Variants in DARS2 observed in about 807,000 individuals in gnomAD.
DARS2 encodes the protein aspartate--tRNA ligase, mitochondrial.
DARS2 carries 63 observed loss-of-function variants against 83.0 expected under a neutral mutation model. The ratio of observed to expected loss-of-function variants is 0.76; its 90% CI spans 0.62 to 0.94. DARS2 has a LOEUF of 0.94. Ranked by LOEUF, DARS2 falls within the 40% of genes least tolerant of loss-of-function variation. The pLI, the probability that DARS2 is intolerant of heterozygous loss-of-function variation, is 0.00. For missense variants in DARS2, 675 were observed against 774.4 expected, an observed-to-expected ratio of 0.87 and a Z score of 1.52; for synonymous variants, 250 against 269.3, an observed-to-expected ratio of 0.93 and a Z score of 0.70.
At chr1:173,827,254 T>C (rs1652617120) in intron 2 of DARS2, among the ~76,000 whole-genome samples, 1 of 152,212 alleles carries the variant, frequency 6.6e-6, no homozygotes, top group Non-Finnish European at 1.5e-5. Flanking sequence ...TTTGTTGTTG[T>C]TCATCTCTCT....
At chr1:173,851,193 G>A (rs143782258) in intron 13 of DARS2, among the ~76,000 whole-genome samples, 12,326 of 148,724 alleles carry the variant, frequency 0.083, 714 homozygotes, top group East Asian at 0.31. Context: ...AGGTTGCAGT[G>A]AGCCGAGATT....
intron 12 of DARS2, among the ~76,000 whole-genome samples, chr1:173,847,220 C>T (rs1653469804): frequency 6.6e-6 from 1 of 152,054 alleles, no homozygotes; most frequent in African/African-American, 2.4e-5. Flanking sequence ...AAGAACTATC[C>T]TTTTTTTCTC....
Position 173,857,615 on chromosome 1 carries a change from T to A in DARS2, c.1848T>A (p.Asn616Lys), listed in dbSNP as rs749087499. 1 of 1,614,134 alleles carries A rather than the reference T, an allele frequency of 6.2e-7. No homozygotes were observed. Among genetic ancestry groups the A allele is most frequent in the South Asian group, 1.1e-5 (1 of 91,080 alleles). The change falls in exon 17 of 17, where the codon AAT (asparagine) becomes AAA (lysine). Residue 616 changes from asparagine (N) to lysine (K), a missense_variant. Asn to Lys is a moderately conservative substitution (Grantham distance 94, BLOSUM62 0). Transcript: ENST00000649689. ...KSFRGHDLMSNTPDSVPPEEL... is the reference protein window; with the variant it reads ...KSFRGHDLMSKTPDSVPPEEL... ...TCCGGGGACATGACCTCATGAGCAA[T>A]ACCCCAGATTCTGTCCCTCCTGAGG... is the stretch of plus-strand genomic sequence containing the variant.
In DARS2 at chr1:173,855,864, T is replaced by C. The variant is rs140189312; in HGVS notation, c.1675-802T>C. Among the ~76,000 whole-genome samples the C allele has an allele frequency of 3.9e-3, 589 of 151,824 alleles. 4 individuals are homozygous for C. Among genetic ancestry groups the C allele is most frequent in the African/African-American group, 0.013 (556 of 41,394 alleles). ...TTAGTAGATACAGCATTTTGCCATG[T>C]TGGCCAGGCTAGTCTTGAACCCCCA... On this transcript the variant is annotated intron_variant, in intron 15 of 16. Coordinates refer to ENST00000649689, the MANE Select transcript of DARS2 (RefSeq NM_018122.5).
intron 12 of DARS2, among the ~76,000 whole-genome samples, chr1:173,847,712 C>A (rs1653487630): frequency 6.6e-6 from 1 of 152,000 alleles, no homozygotes; most frequent in South Asian, 2.1e-4. Flanking sequence ...TTGGAAATAT[C>A]TCTACATACT....
chr1:173,849,648 G>A (rs1436991489), intron 12 of DARS2, among the ~76,000 whole-genome samples: 1 of 152,060 alleles, frequency 6.6e-6, no homozygotes, highest in Non-Finnish European at 1.5e-5. Flanking sequence ...AGAGTCCTGA[G>A]CCTCTCCAGA....
chr1:173,854,096 C>T (rs1571998767), intron 15 of DARS2, among the ~76,000 whole-genome samples, 191 bp downstream of exon 15: 2 of 152,174 alleles, frequency 1.3e-5, no homozygotes, highest in African/African-American at 4.8e-5. Context: ...CCACCTCAGC[C>T]TCCCAAGTAG....
In DARS2 at chr1:173,853,494, T is replaced by C; in HGVS notation, c.1490T>C (p.Leu497Pro). 11 of 1,614,162 alleles carry C rather than the reference T, an allele frequency of 6.8e-6. No homozygotes were observed. The highest frequency in any genetic ancestry group is 9.3e-6 in the Non-Finnish European group (11 of 1,180,024). The change falls in exon 14 of 17, where the codon CTG (leucine) becomes CCG (proline). Residue 497 changes from leucine to proline, a missense_variant. By Grantham distance (98) the Leu-to-Pro change is moderately conservative (BLOSUM62 -3). Transcript: ENST00000649689. ...FLPKEENPRELESAHHPFTAP... is the reference protein window; with the variant it reads ...FLPKEENPREPESAHHPFTAP... ...CCCAAGGAGGAAAATCCCAGAGAGCTGGAATCGGCCCACCACCCATTTACT... is the reference window on the plus strand; with the variant it reads ...CCCAAGGAGGAAAATCCCAGAGAGCCGGAATCGGCCCACCACCCATTTACT...
intron 15 of DARS2, 26 bp from the exon 16 acceptor site, chr1:173,856,640 A>G (rs1182134975): frequency 2.5e-6 from 4 of 1,606,520 alleles, no homozygotes; most frequent in Non-Finnish European, 3.4e-6. Context: ...AAATATATTT[A>G]AACTGAATTA....
At chr1:173,847,888 T>C (rs891230517) in intron 12 of DARS2, among the ~76,000 whole-genome samples, 1 of 143,882 alleles carries the variant, frequency 7.0e-6, no homozygotes, top group Non-Finnish European at 1.5e-5. Context: ...AGTCTCACTC[T>C]GTCGCCCAGG....
intron 5 of DARS2, among the ~76,000 whole-genome samples, chr1:173,832,341 A>G (rs1364665952): frequency 1.3e-5 from 2 of 152,210 alleles, no homozygotes; most frequent in Admixed American, 1.3e-4. Context: ...AGAAAGAGCA[A>G]TGTAATTATA....
intron 8 of DARS2, among the ~76,000 whole-genome samples, chr1:173,837,907 G>A (rs1463995700): frequency 5.3e-5 from 8 of 152,092 alleles, no homozygotes; most frequent in Non-Finnish European, 4.4e-5. Flanking sequence ...CCGAGTAGCT[G>A]GGATTACAGG....
chr1:173,855,515 G>A (rs1384313334), intron 15 of DARS2, among the ~76,000 whole-genome samples: 1 of 152,108 alleles, frequency 6.6e-6, no homozygotes, highest in East Asian at 1.9e-4. Context: ...TGTCACCCAG[G>A]CTAGAGTGCA....
intron 11 of DARS2, among the ~76,000 whole-genome samples, chr1:173,842,284 C>CTTATTTTTTTT (rs1653251632): frequency 1.6e-5 from 1 of 64,224 alleles, no homozygotes; most frequent in Non-Finnish European, 2.7e-5. Context: ...TCATTACTTT[C>CTTATTTTTTTT]TTTTTTTTTT....
At chr1:173,826,651 GC>G (rs1255802371) in intron 1 of DARS2, 35 bp from the exon 2 acceptor site, 2 of 1,475,830 alleles carry the variant, frequency 1.4e-6, no homozygotes. Context: ...TTTTAATCTT[GC>G]CTTTTAAAGT....
At chr1:173,849,340 C>A (rs1653558856) in intron 12 of DARS2, among the ~76,000 whole-genome samples, 1 of 151,754 alleles carries the variant, frequency 6.6e-6, no homozygotes. Context: ...TTGAGACCAG[C>A]CTGGCCAACA....
chr1:173,853,280 T>A, intron 13 of DARS2, 69 bp from the exon 14 acceptor site: 4 of 1,482,056 alleles, frequency 2.7e-6, no homozygotes, highest in Non-Finnish European at 3.8e-6. Context: ...GGCTTCGGAA[T>A]CCAGGCTGTG....
intron 13 of DARS2, among the ~76,000 whole-genome samples, chr1:173,853,014 T>C (rs1653728897): frequency 6.6e-6 from 1 of 152,198 alleles, no homozygotes. Context: ...TTGGAGTTGA[T>C]ATTTTTATCC....
intron 9 of DARS2, 30 bp downstream of exon 9, chr1:173,838,289 A>T: frequency 6.4e-7 from 1 of 1,550,390 alleles, no homozygotes; most frequent in Non-Finnish European, 8.9e-7. Context: ...TGTTTCTTAA[A>T]ATTCAGGCTT....
Sources: allele counts gnomAD v4.1 joint callset (sites outside exome capture counted in the v4.1 genomes callset), GRCh38; gene constraint gnomAD v4.1.1; transcripts MANE v1.5; gene names NCBI Gene and HGNC (gene_info 2026-07-23, HGNC 2026-07-21).